Variants in GALNT1 observed in about 807,000 individuals in gnomAD.
The protein encoded by GALNT1 is polypeptide N-acetylgalactosaminyltransferase 1.
GALNT1 carries 17 observed loss-of-function variants against 65.7 expected under a neutral mutation model. The ratio of observed to expected loss-of-function variants is 0.26; its 90% CI spans 0.18 to 0.39. The LOEUF (loss-of-function observed/expected upper bound fraction) is 0.39, where lower values mean the gene tolerates loss of function less well. Ranked by LOEUF, GALNT1 falls within the 10% of genes least tolerant of loss-of-function variation. The pLI is 1.00. For missense variants in GALNT1, 460 were observed against 672.8 expected (o/e 0.68, Z 3.50); for synonymous variants, 210 against 219.7 (o/e 0.96, Z 0.39).
At chr18:35,634,469 C>T (rs950869175) in intron 1 of GALNT1, among the ~76,000 whole-genome samples, 1 of 152,172 alleles carries the variant, frequency 6.6e-6, no homozygotes, top group Non-Finnish European at 1.5e-5. Context: ...GGATTTATTA[C>T]AGCACAGGAA....
chr18:35,652,584 A>C (rs774064001), intron 1 of GALNT1, among the ~76,000 whole-genome samples: 1 of 152,258 alleles, frequency 6.6e-6, no homozygotes, highest in African/African-American at 2.4e-5. Context: ...CCTCACATTC[A>C]GTGTGAACTA....
intron 8 of GALNT1, among the ~76,000 whole-genome samples, chr18:35,691,469 T>TAGTATTTATTCCTGTGAAGTTTC (rs1213434368): frequency 2.8e-4 from 43 of 152,182 alleles, no homozygotes; most frequent in Non-Finnish European, 1.5e-4. Flanking sequence ...CTGCAACATT[T>TAGTATTTATTCCTGTGAAGTTTC]AGTATTTATT....
intron 1 of GALNT1, among the ~76,000 whole-genome samples, chr18:35,585,299 C>T (rs1323298975): frequency 6.6e-6 from 1 of 152,138 alleles, no homozygotes; most frequent in Non-Finnish European, 1.5e-5. Context: ...ATTTCTTCTC[C>T]TTCCCAAGAT....
At chr18:35,694,711 G>A (rs1486786840) in intron 9 of GALNT1, among the ~76,000 whole-genome samples, 2 of 152,224 alleles carry the variant, frequency 1.3e-5, no homozygotes, top group Non-Finnish European at 2.9e-5. Context: ...AGCTAGCAAT[G>A]CTTAGGCATT....
At chr18:35,670,785 G>A (rs1362385258) in intron 3 of GALNT1, among the ~76,000 whole-genome samples, 1 of 152,174 alleles carries the variant, frequency 6.6e-6, no homozygotes, top group East Asian at 1.9e-4. Flanking sequence ...GAACACAATA[G>A]CGAGTTCATG....
At chr18:35,672,982 A>G (rs2047657214) in intron 3 of GALNT1, among the ~76,000 whole-genome samples, 1 of 152,162 alleles carries the variant, frequency 6.6e-6, no homozygotes, top group African/African-American at 2.4e-5. Flanking sequence ...CGCAAGTGAA[A>G]TTTGAACCTA....
chr18:35,596,494 G>A (rs1287915932), intron 1 of GALNT1: 2 of 152,178 alleles, frequency 1.3e-5, no homozygotes. Flanking sequence ...CTAGAGAGGT[G>A]GGAGTTAGGG....
chr18:35,674,982 C>CAA lies in GALNT1; in HGVS notation c.315-2582_315-2581dup, dbSNP rs150477892. ...TGAGCGACAGAGCGAGACTCCGTCT[C>CAA]AAAAAAAAAAAAAAAAAAAAAAAAA... On this transcript the variant is annotated intron_variant, in intron 3 of 11. Coordinates refer to ENST00000269195, the MANE Select transcript of GALNT1 (RefSeq NM_020474.4). Among the ~76,000 whole-genome samples, 150 of 30,316 alleles carry CAA rather than the reference C, an allele frequency of 4.9e-3. 16 individuals are homozygous for CAA. Among genetic ancestry groups the CAA allele is most frequent in the African/African-American group, 0.012 (118 of 10,186 alleles). The allele number at this position is 30,316 out of a possible 152,430, so 19.9% of individuals were successfully genotyped here.
intron 1 of GALNT1, among the ~76,000 whole-genome samples, chr18:35,583,210 C>G (rs2046343480): frequency 1.3e-5 from 2 of 152,188 alleles, no homozygotes; most frequent in African/African-American, 4.8e-5. Flanking sequence ...GGTGTACCAG[C>G]AGCATCCCTG....
At chr18:35,634,149 G>A (rs1353711481) in intron 1 of GALNT1, among the ~76,000 whole-genome samples, 1 of 152,164 alleles carries the variant, frequency 6.6e-6, no homozygotes, top group African/African-American at 2.4e-5. Context: ...TTACTGTCAT[G>A]TATGAGTGTG....
At chr18:35,684,237 A>G (rs2047832366) in intron 5 of GALNT1, among the ~76,000 whole-genome samples, 1 of 152,022 alleles carries the variant, frequency 6.6e-6, no homozygotes, top group Non-Finnish European at 1.5e-5. Flanking sequence ...TGAGGTAGAG[A>G]CTGTCCATGT....
intron 6 of GALNT1, 109 bp downstream of exon 6, chr18:35,687,295 G>A (rs778616873): frequency 1.2e-5 from 12 of 1,020,834 alleles, no homozygotes; most frequent in East Asian, 7.5e-5. Context: ...TGAAGCATTC[G>A]TATACCTTAT....
chr18:35,615,886 G>T (rs2046777752), intron 1 of GALNT1, among the ~76,000 whole-genome samples: 1 of 152,190 alleles, frequency 6.6e-6, no homozygotes, highest in Non-Finnish European at 1.5e-5. Context: ...GCAGAGGTTG[G>T]CAGACTTTTC....
chr18:35,635,320 C>T (rs2047074864), intron 1 of GALNT1, among the ~76,000 whole-genome samples: 1 of 152,144 alleles, frequency 6.6e-6, no homozygotes, highest in Non-Finnish European at 1.5e-5. Context: ...ACATTCCTAC[C>T]ATATGACCAG....
intron 1 of GALNT1, among the ~76,000 whole-genome samples, chr18:35,628,169 G>A (rs1786068172): frequency 6.6e-6 from 1 of 152,230 alleles, no homozygotes; most frequent in African/African-American, 2.4e-5. Context: ...AAAGGCAGCA[G>A]AAACCTCTGC....
chr18:35,667,036 T>C (rs2047559587), intron 3 of GALNT1, among the ~76,000 whole-genome samples: 1 of 152,226 alleles, frequency 6.6e-6, no homozygotes, highest in Non-Finnish European at 1.5e-5. Flanking sequence ...CTCTTGTATT[T>C]ACCACCCAGC....
intron 1 of GALNT1, among the ~76,000 whole-genome samples, chr18:35,588,757 T>C (rs1198638755): frequency 6.6e-6 from 1 of 152,232 alleles, no homozygotes; most frequent in Non-Finnish European, 1.5e-5. Flanking sequence ...TAGGTTTTTC[T>C]TCATATCTTG....
At chr18:35,665,781 G>C (rs1276837332) in intron 3 of GALNT1, among the ~76,000 whole-genome samples, 1 of 152,050 alleles carries the variant, frequency 6.6e-6, no homozygotes, top group East Asian at 1.9e-4. Context: ...GTTAAATAAG[G>C]ATATTTTTGG....
intron 9 of GALNT1, 149 bp downstream of exon 9, chr18:35,692,469 G>C: frequency 1.9e-6 from 1 of 516,784 alleles, no homozygotes; most frequent in Non-Finnish European, 3.2e-6. Flanking sequence ...TTCTTACCAC[G>C]TAAGTCTAAA....
Sources: allele counts gnomAD v4.1 joint callset (sites outside exome capture counted in the v4.1 genomes callset), GRCh38; gene constraint gnomAD v4.1.1; transcripts MANE v1.5; gene names NCBI Gene and HGNC (gene_info 2026-07-23, HGNC 2026-07-21).